Variants in METTL15 observed in about 807,000 individuals in gnomAD.
METTL15 encodes 12S rRNA N(4)-cytidine methyltransferase METTL15.
A neutral mutation model predicts 38.3 loss-of-function variants in METTL15; 34 were observed. The observed-to-expected ratio is 0.89, with a 90% CI of 0.68 to 1.18. The LOEUF (loss-of-function observed/expected upper bound fraction) is 1.18, where lower values mean the gene tolerates loss of function less well. Among genes scored for constraint, METTL15 ranks in the 50% most tolerant of loss-of-function variants. METTL15 has a pLI of 0.00. For missense variants in METTL15, 438 were observed against 498.4 expected, an observed-to-expected ratio of 0.88 and a Z score of 1.15; for synonymous variants, 162 against 170.9, an observed-to-expected ratio of 0.95 and a Z score of 0.41.
intron 4 of METTL15, among the ~76,000 whole-genome samples, chr11:28,219,853 C>T (rs1161959791): frequency 6.6e-6 from 1 of 152,074 alleles, no homozygotes; most frequent in Admixed American, 6.5e-5. Context: ...TGTTCAGTTT[C>T]CATGTAGTTG....
rs747967545 is a variant in METTL15 at position 28,358,366 on chromosome 11, G to A, written c.*259-3571G>A. 4.6e-5 allele frequency among the ~76,000 whole-genome samples: 7 copies of A among 152,246 alleles called. No individual in the cohort carries two copies. The South Asian group carries it at 1.2e-3, about 27-fold the overall frequency. On this transcript the variant is annotated intron_variant and NMD_transcript_variant, in intron 4 of 7. Coordinates refer to the METTL15 transcript ENST00000532947. ...AAGTAATAAAGGGTCTTGTTTTTAA[G>A]CCATTAAGTTTGTGATAATCTGCTA...
chr11:28,271,874 A>G (rs1855653125), intron 4 of METTL15, among the ~76,000 whole-genome samples: 1 of 152,178 alleles, frequency 6.6e-6, no homozygotes, highest in Admixed American at 6.5e-5. Flanking sequence ...AAATTTACAG[A>G]AAAAAACAAC....
intron 3 of METTL15, among the ~76,000 whole-genome samples, chr11:28,115,917 GACACACACACATACACATACACAC>G (rs1851926244): frequency 8.0e-6 from 1 of 125,670 alleles, no homozygotes; most frequent in Non-Finnish European, 1.7e-5. Context: ...TGTATACACA[GACACACACACATACACATACACAC>G]ACACACACAC....
chr11:28,508,755 A>G (rs1018903707), intron 6 of METTL15, among the ~76,000 whole-genome samples: 4 of 152,346 alleles, frequency 2.6e-5, no homozygotes, highest in African/African-American at 9.6e-5. Context: ...TGCTGATTTA[A>G]GAATGGGCTA....
intron 3 of METTL15, among the ~76,000 whole-genome samples, chr11:28,189,011 G>C (rs1851607523): frequency 6.6e-6 from 1 of 151,370 alleles, no homozygotes; most frequent in Non-Finnish European, 1.5e-5. Context: ...TGTTCAATGT[G>C]TGATGTAGGT....
intron 4 of METTL15, among the ~76,000 whole-genome samples, chr11:28,227,978 A>G (rs1853548147): frequency 6.6e-6 from 1 of 151,918 alleles, no homozygotes; most frequent in Non-Finnish European, 1.5e-5. Context: ...AGATAAAAGT[A>G]TGTTTTGTGT....
At chr11:28,141,703 A>C (rs1048655242) in intron 3 of METTL15, among the ~76,000 whole-genome samples, 4 of 152,094 alleles carry the variant, frequency 2.6e-5, no homozygotes, top group African/African-American at 7.2e-5. Context: ...AAAGCAAAAC[A>C]AAATAAAATA....
chr11:28,452,395 C>T (rs1051978472), intron 6 of METTL15, among the ~76,000 whole-genome samples: 4 of 152,118 alleles, frequency 2.6e-5, no homozygotes, highest in Admixed American at 1.3e-4. Flanking sequence ...AATTGCTTTT[C>T]GGTGATATTT....
intron 3 of METTL15, among the ~76,000 whole-genome samples, chr11:28,346,194 C>T (rs1232642947): frequency 6.6e-6 from 1 of 152,138 alleles, no homozygotes; most frequent in Non-Finnish European, 1.5e-5. Flanking sequence ...CAATTAAATG[C>T]TCTGTTGTGT....
chr11:28,111,034 G>T (rs1851695390), intron 2 of METTL15, among the ~76,000 whole-genome samples: 1 of 152,112 alleles, frequency 6.6e-6, no homozygotes. Flanking sequence ...CAAAAGAGAA[G>T]AATATAATTT....
intron 3 of METTL15, among the ~76,000 whole-genome samples, chr11:28,116,997 G>A (rs1851991071): frequency 6.6e-6 from 1 of 152,070 alleles, no homozygotes; most frequent in Non-Finnish European, 1.5e-5. Context: ...CTGTCATGTA[G>A]TGGGACTCCA....
intron 6 of METTL15, among the ~76,000 whole-genome samples, chr11:28,509,131 A>G (rs1392549077): frequency 3.3e-5 from 5 of 152,200 alleles, no homozygotes; most frequent in African/African-American, 9.7e-5. Flanking sequence ...TGATGTTGAA[A>G]GCATCATAGA....
intron 4 of METTL15, among the ~76,000 whole-genome samples, chr11:28,234,257 A>G (rs1056395154): frequency 1.4e-4 from 22 of 152,022 alleles, no homozygotes; most frequent in African/African-American, 5.1e-4. Flanking sequence ...TAGTGCTGCA[A>G]TAAACATACA....
intron 6 of METTL15, among the ~76,000 whole-genome samples, chr11:28,498,437 C>T (rs1340451916): frequency 3.9e-5 from 6 of 152,272 alleles, no homozygotes; most frequent in Non-Finnish European, 5.9e-5. Context: ...GGATTACAGG[C>T]GTGAGCCACC....
intron 5 of METTL15, among the ~76,000 whole-genome samples, chr11:28,394,093 C>T (rs539693921): frequency 1.8e-4 from 27 of 152,084 alleles, no homozygotes; most frequent in African/African-American, 4.8e-4. Context: ...GGGTTGGTGC[C>T]TTATTATTTT....
At chr11:28,515,546 CT>C (rs941992512) in intron 6 of METTL15, among the ~76,000 whole-genome samples, 2 of 152,128 alleles carry the variant, frequency 1.3e-5, no homozygotes, top group African/African-American at 4.8e-5. Context: ...CCCTTCACCT[CT>C]TTTTTTGTAA....
At chr11:28,448,257 T>C (rs531887937) in intron 6 of METTL15, among the ~76,000 whole-genome samples, 15 of 152,342 alleles carry the variant, frequency 9.8e-5, no homozygotes, top group Admixed American at 2.6e-4. Flanking sequence ...GGTATCTTTG[T>C]TCTGTTCTCT....
At chr11:28,402,483 A>G (rs1850638650) in intron 5 of METTL15, among the ~76,000 whole-genome samples, 1 of 151,780 alleles carries the variant, frequency 6.6e-6, no homozygotes, top group African/African-American at 2.4e-5. Context: ...TCTATACCCT[A>G]CTTACTACTT....
intron 4 of METTL15, among the ~76,000 whole-genome samples, chr11:28,243,397 AAAAC>A (rs1363183072): frequency 2.6e-5 from 4 of 152,204 alleles, no homozygotes; most frequent in African/African-American, 4.8e-5. Context: ...ATAGAATACT[AAAAC>A]AAACAAACAA....
Sources: allele counts gnomAD v4.1 joint callset (sites outside exome capture counted in the v4.1 genomes callset), GRCh38; gene constraint gnomAD v4.1.1; transcripts MANE v1.5; gene names NCBI Gene and HGNC (gene_info 2026-07-23, HGNC 2026-07-21).